Variants in CSNK1G2 observed in about 807,000 individuals in gnomAD.
CSNK1G2 encodes the protein casein kinase I isoform gamma-2.
Under a neutral mutation model 48.0 loss-of-function variants are expected in CSNK1G2, and 11 were observed. The ratio of observed to expected loss-of-function variants is 0.23; its 90% CI spans 0.14 to 0.38. The LOEUF (loss-of-function observed/expected upper bound fraction) is 0.38, where lower values mean the gene tolerates loss of function less well. Among genes scored for constraint, CSNK1G2 ranks in the 10% least tolerant of loss-of-function variants. The pLI, the probability that CSNK1G2 is intolerant of heterozygous loss-of-function variation, is 1.00. For synonymous variants in CSNK1G2, 337 were observed against 254.1 expected, an observed-to-expected ratio of 1.33 and a Z score of -3.10; for missense variants, 446 against 595.5, an observed-to-expected ratio of 0.75 and a Z score of 2.61.
chr19:1,963,042 G>GCCAGGCTCAGTGAGACACT (rs1555681048), intron 1 of CSNK1G2, among the ~76,000 whole-genome samples: 5 of 149,394 alleles, frequency 3.3e-5, no homozygotes, highest in Non-Finnish European at 7.4e-5. Context: ...CCTTCAGGAC[G>GCCAGGCTCAGTGAGACACT]CCAGGCTCAA....
intron 2 of CSNK1G2, among the ~76,000 whole-genome samples, chr19:1,977,447 T>C (rs1469332835): frequency 6.6e-6 from 1 of 151,570 alleles, no homozygotes; most frequent in Non-Finnish European, 1.5e-5. Context: ...CCTCAGGGGG[T>C]GTAACATGTA....
At chr19:1,970,432 T>TA (rs2015528208) in intron 2 of CSNK1G2, among the ~76,000 whole-genome samples, 1 of 152,212 alleles carries the variant, frequency 6.6e-6, no homozygotes, top group Non-Finnish European at 1.5e-5. Context: ...AGCTTCACCA[T>TA]GTAAAAGGCC....
chr19:1,964,833 C>G (rs2015313942), intron 1 of CSNK1G2, among the ~76,000 whole-genome samples: 1 of 151,512 alleles, frequency 6.6e-6, no homozygotes, highest in African/African-American at 2.4e-5. Flanking sequence ...TCACCCCATT[C>G]TCCTGCCTCA....
intron 2 of CSNK1G2, among the ~76,000 whole-genome samples, chr19:1,974,523 A>G (rs894890229): frequency 1.3e-5 from 2 of 152,146 alleles, no homozygotes; most frequent in Non-Finnish European, 2.9e-5. Context: ...GTGTGGAGTG[A>G]CGTCTGTGCT....
intron 1 of CSNK1G2, chr19:1,953,072 C>T (rs1206886900): frequency 2.5e-6 from 1 of 397,826 alleles, no homozygotes; most frequent in African/African-American, 2.2e-5. Flanking sequence ...CACGGCCGTT[C>T]ATGGTTACGC....
At chr19:1,954,303 G>A in intron 1 of CSNK1G2, 1 of 233,838 alleles carries the variant, frequency 4.3e-6, no homozygotes, top group Non-Finnish European at 8.9e-6. Flanking sequence ...TGGTGTTCGG[G>A]GGCTCTTGGG....
intron 1 of CSNK1G2, among the ~76,000 whole-genome samples, chr19:1,943,547 A>G (rs1389781840): frequency 6.6e-6 from 1 of 151,692 alleles, no homozygotes; most frequent in Admixed American, 6.6e-5. Context: ...TCCCAAGCTT[A>G]GGGGAAGCCA....
At chr19:1,951,061 G>T (rs1053531342) in intron 1 of CSNK1G2, among the ~76,000 whole-genome samples, 1 of 145,386 alleles carries the variant, frequency 6.9e-6, no homozygotes, top group African/African-American at 2.6e-5. Flanking sequence ...GAGAGGAGAC[G>T]CCGTGTGCCT....
intron 6 of CSNK1G2, 29 bp from the exon 7 acceptor site, chr19:1,979,134 C>T (rs373703759): frequency 2.6e-6 from 4 of 1,553,678 alleles, no homozygotes; most frequent in Non-Finnish European, 3.5e-6. Flanking sequence ...CGCCCGGACC[C>T]CGCTGAGGCT....
Position 1,979,100 on chromosome 19 carries a change from T to TGCGC in CSNK1G2, c.682+15_682+18dup. On this transcript the variant is annotated splice_region_variant and intron_variant, in intron 6 of 11. Transcript: ENST00000255641. ...AACACGCACCTGGGCAAGGGTGAGC[T>TGCGC]GCGCGCGCGCGGCGGGGGGCGGGCG... 1 of 1,584,836 alleles carries TGCGC rather than the reference T, an allele frequency of 6.3e-7. No homozygotes were observed. The highest frequency in any genetic ancestry group is 8.5e-7 in the Non-Finnish European group (1 of 1,171,410).
At chr19:1,960,013 G>A (rs918536165) in intron 1 of CSNK1G2, among the ~76,000 whole-genome samples, 5 of 152,196 alleles carry the variant, frequency 3.3e-5, no homozygotes, top group African/African-American at 4.8e-5. Context: ...TTTGTTCCCT[G>A]CTGTTGTAAA....
In CSNK1G2 at chr19:1,973,504, C is replaced by T. The variant is rs181108608; in HGVS notation, c.187+3545C>T. On this transcript the variant is annotated intron_variant, in intron 2 of 11. Transcript: ENST00000255641. ...GGATTACAGGCGTGGGCCACCATAC[C>T]CAGCCTTGCTCTCATTCCTGGGTTC... 2.2e-4 allele frequency among the ~76,000 whole-genome samples: 34 copies of T among 152,366 alleles called. No homozygotes were observed. In the East Asian group the frequency reaches 5.8e-3, roughly 26 times the overall value.
intron 1 of CSNK1G2, among the ~76,000 whole-genome samples, chr19:1,945,201 C>T (rs990809551): frequency 6.6e-6 from 1 of 152,232 alleles, no homozygotes. Flanking sequence ...TGCCAGGGCC[C>T]CTCTGCAGGT....
chr19:1,972,364 C>T (rs532499351), intron 2 of CSNK1G2, among the ~76,000 whole-genome samples: 1 of 151,814 alleles, frequency 6.6e-6, no homozygotes, highest in South Asian at 2.1e-4. Flanking sequence ...TGATGTTGAG[C>T]CTGTTGTGGA....
intron 1 of CSNK1G2, among the ~76,000 whole-genome samples, chr19:1,947,664 T>C (rs906149459): frequency 1.3e-5 from 2 of 152,170 alleles, no homozygotes; most frequent in Non-Finnish European, 2.9e-5. Flanking sequence ...AGCTGGGCCC[T>C]GGCCACGTGC....
In CSNK1G2 at chr19:1,978,372, C is replaced by T. The variant is rs774747976; in HGVS notation, c.228+27C>T. 1.7e-5 allele frequency: 27 copies of T among 1,612,630 alleles called. No individual in the cohort carries two copies. Among genetic ancestry groups the T allele is most frequent in the East Asian group, 1.6e-4 (7 of 44,868 alleles). ...TGAGTCGGCCCCTCCACCCCACCCC[C>T]GCTGACGTGCCCCCCAGGGATTTCA... is the stretch of plus-strand genomic sequence containing the variant. On this transcript the variant is annotated intron_variant, in intron 3 of 11. Coordinates refer to ENST00000255641, the MANE Select transcript of CSNK1G2 (RefSeq NM_001319.7). This position sits in a 1 kb window ranked among gnomAD's most constrained non-coding sequence, Gnocchi z 7.3.
At chr19:1,971,766 CT>C (rs60024174) in intron 2 of CSNK1G2, among the ~76,000 whole-genome samples, 5,761 of 116,076 alleles carry the variant, frequency 0.05, 154 homozygotes, top group African/African-American at 0.14. Context: ...GTGATGCCAG[CT>C]TTTTTTTTTT....
In CSNK1G2 at chr19:1,978,524, C is replaced by T. The variant is rs1225506186; in HGVS notation, c.298+13C>T. On this transcript the variant is annotated intron_variant, in intron 4 of 11. Coordinates refer to ENST00000255641, the MANE Select transcript of CSNK1G2 (RefSeq NM_001319.7). The surrounding 1 kb of genome is among the most constrained non-coding windows in gnomAD (Gnocchi z 7.3). ...CTCAGCGCCACAGGTACCGGGCGGC[C>T]CGCGGGTGGGGCGGGGGCTGCGCAG... 6.4e-7 allele frequency: 1 copy of T among 1,574,304 alleles called. No homozygotes were observed. Among genetic ancestry groups the T allele is most frequent in the Admixed American group, 1.9e-5 (1 of 53,844 alleles).
chr19:1,974,242 G>A (rs1219680233), intron 2 of CSNK1G2, among the ~76,000 whole-genome samples: 1 of 152,150 alleles, frequency 6.6e-6, no homozygotes, highest in African/African-American at 2.4e-5. Flanking sequence ...CTGGAGGCTG[G>A]TGAGCCCCAG....
Sources: gnomAD v4.1 joint callset for allele counts (sites outside exome capture counted in the v4.1 genomes callset) on GRCh38, gnomAD v4.1.1 for gene constraint, Gnocchi (gnomAD v3.1) non-coding constraint, MANE v1.5 for transcripts, NCBI Gene and HGNC (gene_info 2026-07-23, HGNC 2026-07-21) for gene names.